PRKN: variants seen among roughly 807,000 people sequenced by gnomAD.
PRKN encodes the protein E3 ubiquitin-protein ligase parkin.
A neutral mutation model predicts 59.5 loss-of-function variants in PRKN; 56 were observed. The observed-to-expected ratio is 0.94, with a 90% CI of 0.76 to 1.18. The LOEUF (loss-of-function observed/expected upper bound fraction) is 1.18, where lower values mean the gene tolerates loss of function less well. Ranked by LOEUF, PRKN falls within the 50% of genes most tolerant of loss-of-function variation. The pLI is 0.00. For synonymous variants in PRKN, 250 were observed against 222.1 expected, an observed-to-expected ratio of 1.13 and a Z score of -1.12; for missense variants, 657 against 596.4, an observed-to-expected ratio of 1.10 and a Z score of -1.06.
intron 9 of PRKN, among the ~76,000 whole-genome samples, chr6:161,427,190 T>C (rs1788408924): frequency 6.6e-6 from 1 of 152,128 alleles, no homozygotes; most frequent in African/African-American, 2.4e-5. Flanking sequence ...AGCTAATTGT[T>C]TGTATTTTTA....
At chr6:162,046,843 T>A (rs1582950234) in intron 5 of PRKN, among the ~76,000 whole-genome samples, 1 of 152,168 alleles carries the variant, frequency 6.6e-6, no homozygotes, top group Non-Finnish European at 1.5e-5. Flanking sequence ...TTGATTCAAA[T>A]TTGCAAAATT....
At chr6:161,422,318 C>A (rs558617084) in intron 9 of PRKN, among the ~76,000 whole-genome samples, 12 of 151,644 alleles carry the variant, frequency 7.9e-5, no homozygotes, top group African/African-American at 2.7e-4. Flanking sequence ...CCTGCTTCAG[C>A]CTCCCAAGCA....
At chr6:161,851,467 G>A (rs938382990) in intron 6 of PRKN, among the ~76,000 whole-genome samples, 3 of 151,866 alleles carry the variant, frequency 2.0e-5, no homozygotes, top group Non-Finnish European at 4.4e-5. Flanking sequence ...CTTATATTAT[G>A]CACAAATAAT....
Position 162,320,510 on chromosome 6 carries a change from C to T in PRKN, c.172-57745G>A, listed in dbSNP as rs141150002. 4.3e-3 allele frequency among the ~76,000 whole-genome samples: 622 copies of T among 143,054 alleles called. 2 individuals carry two copies. Among genetic ancestry groups the T allele is most frequent in the African/African-American group, 0.015 (594 of 38,666 alleles). 93.8% of individuals were successfully genotyped at this position (143,054 alleles called of 152,430 possible). A position where few individuals can be genotyped will look rare whatever the true frequency, so the allele number is the denominator to read the frequency against. ...AATAGGTAAATGAAAACATGTGCAA[C>T]ATCATTAACCATTAAGAATGTGCAA... On this transcript the variant is annotated intron_variant, in intron 2 of 11. Transcript: ENST00000366898.
intron 2 of PRKN, among the ~76,000 whole-genome samples, chr6:162,350,819 A>G (rs1784592237): frequency 6.6e-6 from 1 of 152,184 alleles, no homozygotes; most frequent in Non-Finnish European, 1.5e-5. Flanking sequence ...AAAGTTACAA[A>G]TTAAATGTGT....
At chr6:162,106,140 A>G (rs1156650019) in intron 4 of PRKN, among the ~76,000 whole-genome samples, 1 of 152,242 alleles carries the variant, frequency 6.6e-6, no homozygotes, top group Non-Finnish European at 1.5e-5. Flanking sequence ...TCAAAGTAAC[A>G]ATGCACTTGA....
intron 1 of PRKN, among the ~76,000 whole-genome samples, chr6:162,555,139 G>C (rs1019830440): frequency 6.6e-6 from 1 of 152,164 alleles, no homozygotes; most frequent in Non-Finnish European, 1.5e-5. Context: ...ACTGGCAAAA[G>C]TCAATAATGG....
intron 6 of PRKN, among the ~76,000 whole-genome samples, chr6:161,791,166 T>C (rs1790622922): frequency 6.6e-6 from 1 of 152,184 alleles, no homozygotes; most frequent in Non-Finnish European, 1.5e-5. Context: ...CAATTATATA[T>C]AAAAAGACTT....
chr6:162,210,084 C>T (rs1456793624), intron 3 of PRKN, among the ~76,000 whole-genome samples: 1 of 71,238 alleles, frequency 1.4e-5, no homozygotes, highest in Non-Finnish European at 3.5e-5. Context: ...CACATGCACC[C>T]TATAACTTAA....
rs1262455569 is a variant in PRKN, at chr6:161,442,071, C to A, written c.1084-55194G>T. Among the ~76,000 whole-genome samples, 1 of 152,178 alleles carries A rather than the reference C, an allele frequency of 6.6e-6. No homozygotes were observed. The highest frequency in any genetic ancestry group is 1.9e-4 in the East Asian group (1 of 5,184). ...AATACTGTTCAGTGGGCTAATGCAG[C>A]CACACGAGTGAGTTTTATTTTCATC... On this transcript the variant is annotated intron_variant, in intron 9 of 11. Transcript: ENST00000366898. This position sits in a 1 kb window ranked among gnomAD's most constrained non-coding sequence, Gnocchi z 4.6.
At chr6:162,406,926 T>C (rs1357798447) in intron 2 of PRKN, among the ~76,000 whole-genome samples, 1 of 152,166 alleles carries the variant, frequency 6.6e-6, no homozygotes, top group African/African-American at 2.4e-5. Context: ...GAAAGTTTAA[T>C]AATGATTCCA....
intron 7 of PRKN, among the ~76,000 whole-genome samples, chr6:161,653,231 G>A (rs1196851925): frequency 6.6e-6 from 1 of 152,168 alleles, no homozygotes; most frequent in African/African-American, 2.4e-5. Context: ...GGGCGTGGTG[G>A]CGCATGCCTG....
intron 4 of PRKN, among the ~76,000 whole-genome samples, chr6:162,139,927 G>A (rs1781708263): frequency 6.6e-6 from 1 of 151,508 alleles, no homozygotes; most frequent in Non-Finnish European, 1.5e-5. Flanking sequence ...CCAGGATACT[G>A]AATAAATGCT....
intron 7 of PRKN, among the ~76,000 whole-genome samples, chr6:161,570,480 G>C (rs894520510): frequency 4.0e-5 from 6 of 151,316 alleles, no homozygotes; most frequent in African/African-American, 4.9e-5. Flanking sequence ...CTACCCCTGA[G>C]ACAGCAGGAC....
intron 9 of PRKN, among the ~76,000 whole-genome samples, chr6:161,495,049 C>G (rs1413679758): frequency 6.6e-6 from 1 of 152,152 alleles, no homozygotes; most frequent in East Asian, 1.9e-4. Flanking sequence ...CAAAAAGAAG[C>G]AGGTGAAAGT....
chr6:161,571,227 G>A (rs1780876760), intron 7 of PRKN, among the ~76,000 whole-genome samples: 2 of 152,206 alleles, frequency 1.3e-5, no homozygotes, highest in Admixed American at 6.5e-5. Flanking sequence ...TTATAGGCGT[G>A]AGCCACTGTA....
chr6:162,525,436 A>G (rs1029377060), intron 1 of PRKN, among the ~76,000 whole-genome samples: 3 of 152,078 alleles, frequency 2.0e-5, no homozygotes, highest in Non-Finnish European at 2.9e-5. Context: ...GGCTGGCCAC[A>G]TCGCTCACTC....
rs1790483950 is a variant in PRKN, at chr6:161,466,483, A to T, written c.1084-79606T>A. Reference sequence around the variant, plus strand: ...CCAGTCAACTAGTTTCTATTTTTGCACTCATCTGCTCTGATCTGTTTAGGC... The same window carrying T: ...CCAGTCAACTAGTTTCTATTTTTGCTCTCATCTGCTCTGATCTGTTTAGGC... On this transcript the variant is annotated intron_variant, in intron 9 of 11. Coordinates refer to ENST00000366898, the MANE Select transcript of PRKN (RefSeq NM_004562.3). The surrounding 1 kb of genome is among the most constrained non-coding windows in gnomAD (Gnocchi z 5.0). Among the ~76,000 whole-genome samples the T allele has an allele frequency of 6.6e-6, 1 of 152,072 alleles. No individual in the cohort carries two copies. The highest frequency in any genetic ancestry group is 2.1e-4 in the South Asian group (1 of 4,826).
intron 5 of PRKN, among the ~76,000 whole-genome samples, chr6:162,014,174 A>T (rs1218462928): frequency 6.6e-6 from 1 of 152,170 alleles, no homozygotes; most frequent in African/African-American, 2.4e-5. Context: ...GATAAAAATC[A>T]GCAGACATGC....
Sources: gnomAD v4.1 joint callset for allele counts (sites outside exome capture counted in the v4.1 genomes callset) on GRCh38, gnomAD v4.1.1 for gene constraint, Gnocchi (gnomAD v3.1) non-coding constraint, MANE v1.5 for transcripts, NCBI Gene and HGNC (gene_info 2026-07-23, HGNC 2026-07-21) for gene names.